Variants in DENND1B observed in about 807,000 individuals in gnomAD.
DENND1B encodes DENN domain containing 1B.
Under a neutral mutation model 90.1 loss-of-function variants are expected in DENND1B, and 59 were observed. The observed-to-expected ratio is 0.65, with a 90% CI of 0.53 to 0.81. The LOEUF (loss-of-function observed/expected upper bound fraction) is 0.81, where lower values mean the gene tolerates loss of function less well. Ranked by LOEUF, DENND1B falls within the 40% of genes least tolerant of loss-of-function variation. The pLI, the probability that DENND1B is intolerant of heterozygous loss-of-function variation, is 0.00. For missense variants in DENND1B, 862 were observed against 912.6 expected, an observed-to-expected ratio of 0.94 and a Z score of 0.71; for synonymous variants, 337 against 324.6, an observed-to-expected ratio of 1.04 and a Z score of -0.41.
chr1:197,547,752 A>G (rs1670921844), intron 16 of DENND1B, among the ~76,000 whole-genome samples: 1 of 152,216 alleles, frequency 6.6e-6, no homozygotes, highest in African/African-American at 2.4e-5. Flanking sequence ...TTTTAAAAGT[A>G]TATTTCCCTT....
intron 2 of DENND1B, among the ~76,000 whole-genome samples, chr1:197,750,782 T>C (rs1357459288): frequency 6.6e-6 from 1 of 152,184 alleles, no homozygotes; most frequent in African/African-American, 2.4e-5. Context: ...AACAACCTTT[T>C]GAACTAACCC....
At chr1:197,718,851 G>A (rs1660888609) in intron 2 of DENND1B, among the ~76,000 whole-genome samples, 1 of 152,130 alleles carries the variant, frequency 6.6e-6, no homozygotes, top group Non-Finnish European at 1.5e-5. Flanking sequence ...CTAAGAGGGA[G>A]ACAATGTCTA....
At chr1:197,580,757 C>A (rs1674161323) in intron 15 of DENND1B, among the ~76,000 whole-genome samples, 1 of 152,106 alleles carries the variant, frequency 6.6e-6, no homozygotes, top group Non-Finnish European at 1.5e-5. Context: ...AAAGTAAACA[C>A]CTTTATTTCT....
intron 6 of DENND1B, among the ~76,000 whole-genome samples, chr1:197,652,978 C>T (rs912128797): frequency 6.6e-6 from 1 of 151,854 alleles, no homozygotes; most frequent in Non-Finnish European, 1.5e-5. Flanking sequence ...ACATAATTAT[C>T]CTTATTCTCT....
At chr1:197,660,135 A>T (rs1654261820) in intron 5 of DENND1B, among the ~76,000 whole-genome samples, 1 of 151,964 alleles carries the variant, frequency 6.6e-6, no homozygotes, top group Non-Finnish European at 1.5e-5. Flanking sequence ...TAAAGTCAGA[A>T]AAAAATTAAA....
intron 2 of DENND1B, chr1:197,735,836 T>C: frequency 6.2e-7 from 1 of 1,606,310 alleles, no homozygotes; most frequent in Non-Finnish European, 8.5e-7. Context: ...TGGAAGAAAT[T>C]CAAAAGAAAA....
chr1:197,587,224 AT>A (rs1189325645), intron 14 of DENND1B, among the ~76,000 whole-genome samples: 1 of 152,184 alleles, frequency 6.6e-6, no homozygotes, highest in East Asian at 1.9e-4. Flanking sequence ...TCTATAATCT[AT>A]TTTTTTAAAT....
chr1:197,644,229 T>G (rs1680534081), intron 9 of DENND1B, among the ~76,000 whole-genome samples: 1 of 152,242 alleles, frequency 6.6e-6, no homozygotes, highest in African/African-American at 2.4e-5. Flanking sequence ...GGGGAATTAT[T>G]TCTCAGCATA....
intron 3 of DENND1B, among the ~76,000 whole-genome samples, chr1:197,675,944 C>T (rs1290632431): frequency 1.3e-5 from 2 of 151,940 alleles, no homozygotes; most frequent in African/African-American, 2.4e-5. Context: ...AACACACGTG[C>T]ATACACTTCT....
intron 2 of DENND1B, among the ~76,000 whole-genome samples, chr1:197,751,433 C>T (rs1208674103): frequency 1.3e-5 from 2 of 151,896 alleles, no homozygotes; most frequent in Non-Finnish European, 2.9e-5. Flanking sequence ...TAAAACACTG[C>T]TTAAAAGTCA....
At chr1:197,635,522 G>A (rs534073608) in intron 10 of DENND1B, among the ~76,000 whole-genome samples, 71 of 151,856 alleles carry the variant, frequency 4.7e-4, no homozygotes, top group African/African-American at 1.7e-3. Context: ...ATTTTTTGTA[G>A]AGACAGGGTC....
intron 10 of DENND1B, among the ~76,000 whole-genome samples, chr1:197,631,023 C>T (rs1444245200): frequency 1.3e-5 from 2 of 152,014 alleles, no homozygotes; most frequent in African/African-American, 4.8e-5. Flanking sequence ...ATGACATTTC[C>T]CTATCACTAA....
intron 22 of DENND1B, among the ~76,000 whole-genome samples, 192 bp downstream of exon 22, chr1:197,511,536 A>G (rs1283880824): frequency 6.6e-6 from 1 of 151,812 alleles, no homozygotes; most frequent in Non-Finnish European, 1.5e-5. Context: ...TAGATAAATG[A>G]AAGGGAAAAT....
intron 5 of DENND1B, among the ~76,000 whole-genome samples, chr1:197,659,279 G>A (rs965124440): frequency 4.0e-5 from 6 of 151,648 alleles, no homozygotes; most frequent in Admixed American, 1.3e-4. Flanking sequence ...TAAGTAGAAC[G>A]TAAAAAAAGA....
intron 3 of DENND1B, among the ~76,000 whole-genome samples, chr1:197,704,532 C>G (rs1160636007): frequency 6.6e-6 from 1 of 152,090 alleles, no homozygotes; most frequent in Non-Finnish European, 1.5e-5. Context: ...CCAATACTCT[C>G]CTGTACAAAA....
chr1:197,658,230 T>C (rs1654048171), intron 6 of DENND1B, 70 bp downstream of exon 6: 11 of 1,229,038 alleles, frequency 9.0e-6, no homozygotes, highest in African/African-American at 1.5e-5. Context: ...CACTTAAAAA[T>C]GGTTAAAATG....
At chr1:197,549,691 A>T (rs1388197204) in intron 16 of DENND1B, among the ~76,000 whole-genome samples, 1 of 151,974 alleles carries the variant, frequency 6.6e-6, no homozygotes, top group Non-Finnish European at 1.5e-5. Context: ...TATCTTTTAA[A>T]CTCCATGGTT....
chr1:197,566,721 A>G (rs991380327), intron 15 of DENND1B, among the ~76,000 whole-genome samples: 2 of 152,050 alleles, frequency 1.3e-5, no homozygotes, highest in African/African-American at 2.4e-5. Context: ...AGAGTCTACA[A>G]CACAAGAAGG....
At chr1:197,565,534 A>C (rs1672565247) in intron 15 of DENND1B, among the ~76,000 whole-genome samples, 1 of 151,204 alleles carries the variant, frequency 6.6e-6, no homozygotes, top group Non-Finnish European at 1.5e-5. Flanking sequence ...ACATGTGCAC[A>C]ATGTGCAGGT....
Sources: allele counts gnomAD v4.1 joint callset (sites outside exome capture counted in the v4.1 genomes callset), GRCh38; gene constraint gnomAD v4.1.1; transcripts MANE v1.5; gene names NCBI Gene and HGNC (gene_info 2026-07-23, HGNC 2026-07-21).